The following CDKAL1 variants were observed in gnomAD, a reference collection of about 807,000 sequenced individuals.
The protein encoded by CDKAL1 is threonylcarbamoyladenosine tRNA methylthiotransferase.
In CDKAL1, 32 loss-of-function variants were observed where a neutral mutation model predicts 68.2. The observed-to-expected ratio is 0.47, with a 90% confidence interval of 0.35 to 0.63. The LOEUF is 0.63. CDKAL1 is among the 30% of genes least tolerant of loss of function. CDKAL1 has a pLI of 0.00. For synonymous variants in CDKAL1, 234 were observed against 244.3 expected, an observed-to-expected ratio of 0.96 and a Z score of 0.39; for missense variants, 606 against 696.7, an observed-to-expected ratio of 0.87 and a Z score of 1.47.
chr6:20,643,559 G>T (rs185592153), intron 4 of CDKAL1, among the ~76,000 whole-genome samples: 2 of 152,268 alleles, frequency 1.3e-5, no homozygotes, highest in Non-Finnish European at 1.5e-5. Context: ...GCATAAGGGG[G>T]TAAGCCATGT....
chr6:21,118,513 T>G (rs1050262369), intron 13 of CDKAL1, among the ~76,000 whole-genome samples: 1 of 152,234 alleles, frequency 6.6e-6, no homozygotes, highest in African/African-American at 2.4e-5. Context: ...CAAAGAATAG[T>G]GAGATGAAAG....
chr6:21,231,211 C>T lies in CDKAL1; in HGVS notation c.*172C>T. 2 of 470,302 alleles carry T rather than the reference C, an allele frequency of 4.3e-6. No individual in the cohort carries two copies. The highest frequency in any genetic ancestry group is 7.4e-6 in the Non-Finnish European group (2 of 268,906). The allele number at this position is 470,302 out of a possible 1,614,324, so 29.1% of individuals were successfully genotyped here. On this transcript the variant is annotated 3_prime_UTR_variant, in exon 16 of 16. Transcript: ENST00000274695. ...TCCCCCTGTCTCACATTGAGTTGGG[C>T]CCATTGGTTATTTGACCTAAAACCT...
At chr6:20,835,059 A>G (rs1245362549) in intron 8 of CDKAL1, among the ~76,000 whole-genome samples, 1 of 152,144 alleles carries the variant, frequency 6.6e-6, no homozygotes, top group Non-Finnish European at 1.5e-5. Flanking sequence ...ATTATTGAAA[A>G]CCAATTTATC....
At chr6:20,683,501 C>T (rs1032124402) in intron 5 of CDKAL1, among the ~76,000 whole-genome samples, 1 of 152,110 alleles carries the variant, frequency 6.6e-6, no homozygotes, top group African/African-American at 2.4e-5. Context: ...TCTTCAAAAT[C>T]GGAATTAACA....
intron 2 of CDKAL1, among the ~76,000 whole-genome samples, chr6:20,542,703 C>T (rs1300407214): frequency 2.6e-5 from 4 of 152,126 alleles, no homozygotes; most frequent in Non-Finnish European, 5.9e-5. Flanking sequence ...TGCAAAACTA[C>T]AATACAATAC....
chr6:20,991,797 C>T (rs2150798367), intron 10 of CDKAL1, among the ~76,000 whole-genome samples: 1 of 149,050 alleles, frequency 6.7e-6, no homozygotes, highest in Non-Finnish European at 1.5e-5. Flanking sequence ...GCGTACATGG[C>T]TCCAGTTCAG....
At chr6:20,865,324 A>G (rs1759850332) in intron 9 of CDKAL1, among the ~76,000 whole-genome samples, 1 of 152,146 alleles carries the variant, frequency 6.6e-6, no homozygotes, top group South Asian at 2.1e-4. Flanking sequence ...GGGTCATTTC[A>G]TCAGTTTGGA....
chr6:20,908,305 A>G (rs150042673), intron 9 of CDKAL1, among the ~76,000 whole-genome samples: 6 of 152,364 alleles, frequency 3.9e-5, no homozygotes, highest in East Asian at 1.9e-4. Flanking sequence ...CCATAATAAG[A>G]ATTGAATTCT....
chr6:20,636,407 G>C (rs914392279), intron 4 of CDKAL1, among the ~76,000 whole-genome samples: 2 of 151,502 alleles, frequency 1.3e-5, no homozygotes, highest in Admixed American at 1.3e-4. Context: ...TTCCTAACTA[G>C]AACCTGATGA....
chr6:21,101,195 G>A (rs1215214210), intron 12 of CDKAL1, among the ~76,000 whole-genome samples: 1 of 152,184 alleles, frequency 6.6e-6, no homozygotes. Flanking sequence ...AAAGACAGTA[G>A]GGAACCGATC....
At position 21,069,803 on chromosome 6, in the gene CDKAL1, T is replaced by A. The variant is rs144617535; in HGVS notation, c.1236+4575T>A. Among the ~76,000 whole-genome samples the A allele has an allele frequency of 4.0e-3, 171 of 42,794 alleles. 1 individual carries two copies. Among genetic ancestry groups the A allele is most frequent in the East Asian group, 0.029 (6 of 208 alleles). The allele number at this position is 42,794 out of a possible 152,430, so 28.1% of individuals were successfully genotyped here. ...TTTTTTTTTTTTTTTTTTTTTTTTT[T>A]TAAAACAGAGCCTTGCTCTGTCACC... On this transcript the variant is annotated intron_variant, in intron 12 of 15. Coordinates refer to ENST00000274695, the MANE Select transcript of CDKAL1 (RefSeq NM_017774.3).
At chr6:20,629,102 T>C (rs772902149) in intron 4 of CDKAL1, among the ~76,000 whole-genome samples, 5 of 152,220 alleles carry the variant, frequency 3.3e-5, no homozygotes, top group Non-Finnish European at 7.4e-5. Flanking sequence ...AATGTCTCTT[T>C]AAGATTTCTT....
At chr6:21,149,907 G>C (rs1776330902) in intron 13 of CDKAL1, among the ~76,000 whole-genome samples, 1 of 152,062 alleles carries the variant, frequency 6.6e-6, no homozygotes, top group African/African-American at 2.4e-5. Flanking sequence ...ACCCAGGCTG[G>C]AGTGCAGTGG....
At chr6:20,644,195 G>A (rs575088825) in intron 4 of CDKAL1, among the ~76,000 whole-genome samples, 1 of 149,622 alleles carries the variant, frequency 6.7e-6, no homozygotes, top group Non-Finnish European at 1.5e-5. Flanking sequence ...CTTTAAGACT[G>A]TAAACTCCCT....
In CDKAL1 at chr6:20,535,413, C is replaced by A. The variant is rs997777596; in HGVS notation, c.-6+19C>A. The A allele has an allele frequency of 3.3e-5, 5 of 152,232 alleles. No individual in the cohort carries two copies. Among genetic ancestry groups the A allele is most frequent in the African/African-American group, 1.2e-4 (5 of 41,404 alleles). 9.4% of individuals were successfully genotyped at this position (152,232 alleles called of 1,614,324 possible). ...AATTAAGGTACTGATTTATTTTAAA[C>A]CTTTTATGTTTGAGTGCTGTGCGTA... On this transcript the variant is annotated intron_variant, in intron 2 of 15. Coordinates refer to ENST00000274695, the MANE Select transcript of CDKAL1 (RefSeq NM_017774.3).
intron 13 of CDKAL1, among the ~76,000 whole-genome samples, chr6:21,170,575 G>A (rs1405869253): frequency 2.0e-5 from 3 of 151,990 alleles, no homozygotes; most frequent in African/African-American, 4.8e-5. Flanking sequence ...TGATCGACCC[G>A]CCTCAGCCTC....
At chr6:21,037,150 G>A (rs1489640890) in intron 11 of CDKAL1, among the ~76,000 whole-genome samples, 1 of 152,142 alleles carries the variant, frequency 6.6e-6, no homozygotes, top group Non-Finnish European at 1.5e-5. Flanking sequence ...ATCTAACACT[G>A]TTTTGATGGA....
chr6:20,684,291 A>G (rs1770517761), intron 5 of CDKAL1, among the ~76,000 whole-genome samples: 1 of 152,160 alleles, frequency 6.6e-6, no homozygotes, highest in South Asian at 2.1e-4. Flanking sequence ...AAAATACAAA[A>G]ATTAGCTGGG....
intron 4 of CDKAL1, among the ~76,000 whole-genome samples, chr6:20,582,956 A>G (rs1263449384): frequency 6.6e-6 from 1 of 152,164 alleles, no homozygotes; most frequent in East Asian, 1.9e-4. Flanking sequence ...ATACTCTGTT[A>G]TTCAAAGTAG....
Sources: allele counts gnomAD v4.1 joint callset (sites outside exome capture counted in the v4.1 genomes callset), GRCh38; gene constraint gnomAD v4.1.1; transcripts MANE v1.5; gene names NCBI Gene and HGNC (gene_info 2026-07-23, HGNC 2026-07-21).